STXBP5: variants seen among roughly 807,000 people sequenced by gnomAD.
STXBP5 encodes the protein syntaxin-binding protein 5.
A neutral mutation model predicts 152.4 loss-of-function variants in STXBP5; 50 were observed. The ratio of observed to expected loss-of-function variants is 0.33; its 90% CI spans 0.26 to 0.42. STXBP5 has a LOEUF of 0.42. Among genes scored for constraint, STXBP5 ranks in the 10% least tolerant of loss-of-function variants. STXBP5 has a pLI of 1.00. For synonymous variants in STXBP5, 492 were observed against 494.7 expected, an observed-to-expected ratio of 0.99 and a Z score of 0.07; for missense variants, 1,167 against 1,388.6, an observed-to-expected ratio of 0.84 and a Z score of 2.54.
chr6:147,297,623 A>G (rs1320689184), intron 9 of STXBP5, among the ~76,000 whole-genome samples: 1 of 152,166 alleles, frequency 6.6e-6, no homozygotes, highest in East Asian at 1.9e-4. Context: ...AAAAGTCAAA[A>G]TAGTAATAAC....
Position 147,204,689 on chromosome 6 carries a change from G to A in STXBP5, c.150+7G>A. On this transcript the variant is annotated splice_region_variant and intron_variant, in intron 1 of 27. Coordinates refer to ENST00000321680, the MANE Select transcript of STXBP5 (RefSeq NM_001127715.4). The surrounding 1 kb of genome is among the most constrained non-coding windows in gnomAD (Gnocchi z 4.3). ...GCACTTTCAGCTCTGCAAGGTGAAC[G>A]GAGCGCGCAGCCCCGCGACACCGTC... The A allele has an allele frequency of 1.9e-6, 3 of 1,569,946 alleles. No homozygotes were observed. The highest frequency in any genetic ancestry group is 1.7e-6 in the Non-Finnish European group (2 of 1,157,000).
chr6:147,244,298 T>G (rs1327134756), intron 4 of STXBP5, among the ~76,000 whole-genome samples: 1 of 152,202 alleles, frequency 6.6e-6, no homozygotes, highest in Non-Finnish European at 1.5e-5. Flanking sequence ...TTGACTTGAT[T>G]ACTGTAGTTT....
chr6:147,354,831 A>G (rs993176735), intron 22 of STXBP5, among the ~76,000 whole-genome samples: 6 of 152,154 alleles, frequency 3.9e-5, no homozygotes, highest in East Asian at 1.9e-4. Context: ...AACTTTGACT[A>G]ATGTATACCT....
intron 2 of STXBP5, among the ~76,000 whole-genome samples, chr6:147,226,309 A>G: frequency 6.6e-6 from 1 of 152,148 alleles, no homozygotes; most frequent in East Asian, 1.9e-4. Context: ...AAAAAAAAAA[A>G]AAAAGATATT....
At chr6:147,212,890 A>C (rs1776929608) in intron 2 of STXBP5, among the ~76,000 whole-genome samples, 1 of 152,214 alleles carries the variant, frequency 6.6e-6, no homozygotes. Flanking sequence ...ATAAGGTCTC[A>C]TTATGAAATA....
intron 19 of STXBP5, among the ~76,000 whole-genome samples, chr6:147,337,113 A>G (rs1396407328): frequency 6.6e-6 from 1 of 151,720 alleles, no homozygotes; most frequent in Non-Finnish European, 1.5e-5. Flanking sequence ...AAGAACTTAT[A>G]TTGCTTCACT....
At chr6:147,339,308 G>A (rs749780683) in intron 20 of STXBP5, 29 bp from the exon 21 acceptor site, 2 of 1,513,352 alleles carry the variant, frequency 1.3e-6, no homozygotes, top group South Asian at 2.6e-5. Flanking sequence ...ACTAGATTTT[G>A]ACATTTTATA....
At chr6:147,343,440 T>TA (rs1375502677) in intron 21 of STXBP5, among the ~76,000 whole-genome samples, 3 of 152,146 alleles carry the variant, frequency 2.0e-5, no homozygotes, top group African/African-American at 7.2e-5. Flanking sequence ...ACTAACTCAT[T>TA]AACTCACATA....
chr6:147,257,184 TC>T (rs1159684755), intron 4 of STXBP5, among the ~76,000 whole-genome samples: 1 of 150,778 alleles, frequency 6.6e-6, no homozygotes, highest in African/African-American at 2.4e-5. Context: ...TCTACAAGAA[TC>T]CCCTCAGTGT....
At chr6:147,302,739 C>T (rs977236642) in intron 9 of STXBP5, among the ~76,000 whole-genome samples, 4 of 152,106 alleles carry the variant, frequency 2.6e-5, no homozygotes, top group African/African-American at 4.8e-5. Flanking sequence ...CACTTGAACC[C>T]AGGAGGCGGA....
intron 8 of STXBP5, among the ~76,000 whole-genome samples, chr6:147,280,674 A>G (rs953988057): frequency 2.0e-5 from 3 of 152,080 alleles, no homozygotes; most frequent in Non-Finnish European, 4.4e-5. Context: ...CTTTTTTTAT[A>G]TTACAAGCTT....
intron 26 of STXBP5, among the ~76,000 whole-genome samples, chr6:147,377,181 C>T (rs1785851566): frequency 6.6e-6 from 1 of 152,080 alleles, no homozygotes; most frequent in South Asian, 2.1e-4. Flanking sequence ...TGCTTGTAAT[C>T]AATAACAAAG....
chr6:147,317,079 G>C (rs968117908), intron 16 of STXBP5, among the ~76,000 whole-genome samples: 2 of 152,166 alleles, frequency 1.3e-5, no homozygotes, highest in African/African-American at 2.4e-5. Context: ...GGATAATGAC[G>C]GAAAGGTGGT....
chr6:147,369,909 C>T (rs1321449092), intron 25 of STXBP5, among the ~76,000 whole-genome samples: 1 of 151,710 alleles, frequency 6.6e-6, no homozygotes, highest in Non-Finnish European at 1.5e-5. Context: ...AACCAAAGAC[C>T]CAGCCACTTT....
chr6:147,256,393 T>C (rs1453351111), intron 4 of STXBP5, among the ~76,000 whole-genome samples: 1 of 152,196 alleles, frequency 6.6e-6, no homozygotes, highest in Non-Finnish European at 1.5e-5. Flanking sequence ...ATCTGCAGTA[T>C]AGAAGGGCAT....
intron 6 of STXBP5, among the ~76,000 whole-genome samples, chr6:147,265,383 C>T (rs183312801): frequency 1.3e-5 from 2 of 152,156 alleles, no homozygotes; most frequent in African/African-American, 4.8e-5. Context: ...CAGATATAGA[C>T]TAATCATTTT....
At chr6:147,337,170 T>G (rs1482899189) in intron 19 of STXBP5, among the ~76,000 whole-genome samples, 4 of 112,500 alleles carry the variant, frequency 3.6e-5, no homozygotes, top group African/African-American at 7.2e-5. Context: ...CATGCAAAGA[T>G]ATATATATAT....
intron 4 of STXBP5, among the ~76,000 whole-genome samples, chr6:147,250,969 CAAAAAAAAAAAAAA>C (rs887963991): frequency 4.0e-4 from 21 of 52,948 alleles, no homozygotes; most frequent in South Asian, 1.7e-3. Flanking sequence ...ACCTTGTCTC[CAAAAAAAAAAAAAA>C]AAAAAAAAAA....
chr6:147,368,486 GA>G (rs1008097284), intron 25 of STXBP5, among the ~76,000 whole-genome samples: 2 of 152,030 alleles, frequency 1.3e-5, no homozygotes, highest in Non-Finnish European at 2.9e-5. Flanking sequence ...AAACTTAAAG[GA>G]CATGTAAGAA....
Sources: gnomAD v4.1 joint callset for allele counts (sites outside exome capture counted in the v4.1 genomes callset) on GRCh38, gnomAD v4.1.1 for gene constraint, Gnocchi (gnomAD v3.1) non-coding constraint, MANE v1.5 for transcripts, NCBI Gene and HGNC (gene_info 2026-07-23, HGNC 2026-07-21) for gene names.